Variants in TMPRSS11D observed in about 807,000 individuals in gnomAD.
The protein encoded by TMPRSS11D is transmembrane protease serine 11D.
TMPRSS11D carries 32 observed loss-of-function variants against 44.4 expected under a neutral mutation model. That is an observed-to-expected ratio of 0.72 (90% CI 0.54 to 0.97). TMPRSS11D has a LOEUF of 0.97. TMPRSS11D is among the 50% of genes least tolerant of loss of function. The pLI is 0.00. For synonymous variants in TMPRSS11D, 179 were observed against 177.9 expected, an observed-to-expected ratio of 1.01 and a Z score of -0.05; for missense variants, 446 against 502.6, an observed-to-expected ratio of 0.89 and a Z score of 1.08.
At chr4:67,879,388 G>C (rs1384798197) in intron 1 of TMPRSS11D, among the ~76,000 whole-genome samples, 1 of 150,906 alleles carries the variant, frequency 6.6e-6, no homozygotes, top group Non-Finnish European at 1.5e-5. Context: ...GGCTGAAGAA[G>C]GAGAATGGCA....
At chr4:67,852,834 T>C (rs1348079) in intron 3 of TMPRSS11D, among the ~76,000 whole-genome samples, 93,832 of 151,944 alleles carry the variant, frequency 0.62, 29,556 homozygotes, top group East Asian at 0.89. Context: ...TGTGGATATA[T>C]AAAAATGGAA....
chr4:67,823,342 C>T (rs1193712770), intron 9 of TMPRSS11D, among the ~76,000 whole-genome samples: 3 of 152,100 alleles, frequency 2.0e-5, no homozygotes, highest in Admixed American at 1.3e-4. Context: ...TATTTGTGCA[C>T]ATAATAACCT....
chr4:67,824,483 G>C (rs1717742860), intron 9 of TMPRSS11D, among the ~76,000 whole-genome samples: 1 of 152,030 alleles, frequency 6.6e-6, no homozygotes, highest in Non-Finnish European at 1.5e-5. Context: ...AGGGCCAGTA[G>C]TAAAAGAGAA....
chr4:67,853,853 CCTTT>C (rs1305949737), intron 3 of TMPRSS11D, among the ~76,000 whole-genome samples: 3 of 152,152 alleles, frequency 2.0e-5, no homozygotes, highest in African/African-American at 7.2e-5. Context: ...TTACTCGTGG[CCTTT>C]CTAACACTTT....
At position 67,825,770 on chromosome 4, in the gene TMPRSS11D, A is replaced by G. The variant is rs777075720; in HGVS notation, c.1057T>C (p.Cys353Arg). The G allele has an allele frequency of 6.2e-6, 10 of 1,613,148 alleles. No individual in the cohort carries two copies. Among genetic ancestry groups the G allele is most frequent in the Non-Finnish European group, 8.5e-6 (10 of 1,179,486 alleles). The change falls in exon 9 of 10, where the codon TGT becomes CGT. Residue 353 changes from cysteine to arginine, a missense_variant. Physicochemically the swap from Cys to Arg is radical, Grantham distance 180. Transcript: ENST00000283916. ...ACTCCACCTTGAGGTACTCCAGCAC[A>G]CAGCATTCCAGACAAGATGGCTCCA... ...YNGAILSGMLCAGVPQGGVDA... is the reference protein window; with the variant it reads ...YNGAILSGMLRAGVPQGGVDA...
chr4:67,825,646 C>A (rs1717772063), intron 9 of TMPRSS11D, 86 bp downstream of exon 9: 22 of 1,434,516 alleles, frequency 1.5e-5, no homozygotes, highest in Non-Finnish European at 2.0e-5. Flanking sequence ...GTAACTGTTA[C>A]ACTTATGTCT....
In TMPRSS11D at chr4:67,866,949, C is replaced by T. The variant is rs535626071; in HGVS notation, c.9-7271G>A. 1.5e-3 allele frequency among the ~76,000 whole-genome samples: 230 copies of T among 151,920 alleles called. 1 individual carries two copies. Among genetic ancestry groups the T allele is most frequent in the African/African-American group, 5.3e-3 (220 of 41,444 alleles). ...TTCAATTAAATCCCTATCACAATACCAATGTCATTTTTCACAGAATTAGAA... is the reference window on the plus strand; with the variant it reads ...TTCAATTAAATCCCTATCACAATACTAATGTCATTTTTCACAGAATTAGAA... On this transcript the variant is annotated intron_variant, in intron 1 of 9. Transcript: ENST00000283916.
intron 7 of TMPRSS11D, among the ~76,000 whole-genome samples, chr4:67,827,784 C>A (rs1717841487): frequency 6.6e-6 from 1 of 152,046 alleles, no homozygotes; most frequent in Admixed American, 6.6e-5. Flanking sequence ...TGAAGTTATT[C>A]TGATACTTTA....
At chr4:67,825,096 C>T (rs2109655512) in intron 9 of TMPRSS11D, among the ~76,000 whole-genome samples, 1 of 151,916 alleles carries the variant, frequency 6.6e-6, no homozygotes, top group East Asian at 1.9e-4. Flanking sequence ...TTTTCTTTTT[C>T]ATTCATACTG....
chr4:67,828,422 G>A (rs1478348684), intron 7 of TMPRSS11D, among the ~76,000 whole-genome samples: 1 of 152,106 alleles, frequency 6.6e-6, no homozygotes, highest in Non-Finnish European at 1.5e-5. Context: ...TGTTGAGGGT[G>A]AAGCCCGCAG....
chr4:67,826,909 T>C (rs77671399), intron 8 of TMPRSS11D, among the ~76,000 whole-genome samples: 5,010 of 152,222 alleles, frequency 0.033, 202 homozygotes, highest in African/African-American at 0.097. Flanking sequence ...TGAGAAAGTC[T>C]TTGTCTCTAA....
chr4:67,883,342 G>A (rs961073161), intron 1 of TMPRSS11D, among the ~76,000 whole-genome samples: 1 of 151,894 alleles, frequency 6.6e-6, no homozygotes, highest in African/African-American at 2.4e-5. Context: ...TTCTTTATGT[G>A]AAAGTATAGG....
At chr4:67,858,573 A>G (rs1280895412) in intron 2 of TMPRSS11D, among the ~76,000 whole-genome samples, 1 of 152,162 alleles carries the variant, frequency 6.6e-6, no homozygotes, top group Non-Finnish European at 1.5e-5. Context: ...CATTGGAAGT[A>G]TTTCAATCTT....
chr4:67,866,208 A>T (rs1325015252), intron 1 of TMPRSS11D, among the ~76,000 whole-genome samples: 1 of 152,086 alleles, frequency 6.6e-6, no homozygotes, highest in Admixed American at 6.6e-5. Flanking sequence ...CAAATTGATA[A>T]ATGTGATTCA....
chr4:67,879,465 CCTT>C (rs1215449402), intron 1 of TMPRSS11D, among the ~76,000 whole-genome samples: 24 of 120,572 alleles, frequency 2.0e-4, no homozygotes, highest in South Asian at 8.6e-4. Flanking sequence ...GAGCGAGACT[CCTT>C]CTCAAAAAAA....
chr4:67,876,016 G>C (rs1719181805), intron 1 of TMPRSS11D, among the ~76,000 whole-genome samples: 1 of 152,156 alleles, frequency 6.6e-6, no homozygotes, highest in African/African-American at 2.4e-5. Flanking sequence ...ACATAAAAAA[G>C]AGATTTCTTT....
At chr4:67,868,187 G>A (rs898498497) in intron 1 of TMPRSS11D, among the ~76,000 whole-genome samples, 1 of 151,826 alleles carries the variant, frequency 6.6e-6, no homozygotes, top group Non-Finnish European at 1.5e-5. Flanking sequence ...TATTATCTTA[G>A]GTGAAACAAC....
At chr4:67,833,118 T>A in intron 7 of TMPRSS11D, 86 bp downstream of exon 7, 2 of 1,203,254 alleles carry the variant, frequency 1.7e-6, no homozygotes, top group Non-Finnish European at 2.1e-6. Context: ...TATTTCTGGC[T>A]CAATTCAATC....
rs1717990876 is a variant in TMPRSS11D at position 67,833,230 on chromosome 4, G to A, written c.666C>T (p.Ile222=). The change falls in exon 7 of 10, where the codon ATC becomes ATT. Residue 222 remains isoleucine, a synonymous_variant. Transcript: ENST00000283916. ...CGGSLINNMW[I]LTAAHCFRSN... ...TTCTGAAGCAGTGAGCTGCTGTCAG[G>A]ATCCACATGTTATTGATCAGGCTGC... The A allele has an allele frequency of 6.5e-7, 1 of 1,543,222 alleles. No homozygotes were observed. Among genetic ancestry groups the A allele is most frequent in the Non-Finnish European group, 8.7e-7 (1 of 1,146,248 alleles).
Sources: gnomAD v4.1 joint callset for allele counts (sites outside exome capture counted in the v4.1 genomes callset) on GRCh38, gnomAD v4.1.1 for gene constraint, MANE v1.5 for transcripts, NCBI Gene and HGNC (gene_info 2026-07-23, HGNC 2026-07-21) for gene names.